Variants in UGT1A8 observed in about 807,000 individuals in gnomAD.
UGT1A8 encodes the protein UDP-glucuronosyltransferase 1A8.
UGT1A8 carries 39 observed loss-of-function variants against 45.3 expected under a neutral mutation model. That is an observed-to-expected ratio of 0.86 (90% CI 0.67 to 1.12). The LOEUF is 1.12. Among genes scored for constraint, UGT1A8 ranks in the 50% most tolerant of loss-of-function variants. The pLI is 0.00. For synonymous variants in UGT1A8, 275 were observed against 249.2 expected, an observed-to-expected ratio of 1.10 and a Z score of -0.97; for missense variants, 719 against 664.9, an observed-to-expected ratio of 1.08 and a Z score of -0.90.
At chr2:233,727,764 G>A (rs117456176) in intron 1 of UGT1A8, among the ~76,000 whole-genome samples, 2 of 152,186 alleles carry the variant, frequency 1.3e-5, no homozygotes, top group South Asian at 4.1e-4. Context: ...CTTGAGCTGG[G>A]TGTCCCCCAG....
chr2:233,645,492 GTAAAA>G (rs1284165480), intron 1 of UGT1A8, among the ~76,000 whole-genome samples: 1 of 152,228 alleles, frequency 6.6e-6, no homozygotes, highest in Non-Finnish European at 1.5e-5. Context: ...CTATGGGCCT[GTAAAA>G]TCAAAAGCAA....
At chr2:233,629,292 T>C (rs753075625) in intron 1 of UGT1A8, among the ~76,000 whole-genome samples, 1 of 152,160 alleles carries the variant, frequency 6.6e-6, no homozygotes, top group African/African-American at 2.4e-5. Context: ...TATGTCAGAA[T>C]TTTCTTCCTT....
chr2:233,627,674 T>TTCCA (rs2073112884), intron 1 of UGT1A8, among the ~76,000 whole-genome samples: 1 of 150,476 alleles, frequency 6.6e-6, no homozygotes. Flanking sequence ...CCTTCCTTCC[T>TTCCA]TCCTTCTTTC....
intron 1 of UGT1A8, among the ~76,000 whole-genome samples, chr2:233,703,815 T>A (rs2075754424): frequency 1.3e-5 from 2 of 150,786 alleles, no homozygotes; most frequent in African/African-American, 4.9e-5. Context: ...ATCTCTGTCT[T>A]TTAATTGAGT....
intron 1 of UGT1A8, chr2:233,692,869 G>T: frequency 2.0e-6 from 3 of 1,484,506 alleles, no homozygotes; most frequent in Non-Finnish European, 2.7e-6. Context: ...ACATATCAAA[G>T]GGTAAAATTC....
Position 233,682,404 on chromosome 2 carries a change from T to C in UGT1A8, c.855+63842T>C, listed in dbSNP as rs140683946. On this transcript the variant is annotated intron_variant, in intron 1 of 4. Transcript: ENST00000373450. ...GATCCTTTTGATGCCTGTGGCTTAA[T>C]TGTTGCCAAATATTTCTCCCTCCCC... 2.6e-5 allele frequency: 42 copies of C among 1,613,888 alleles called. No individual in the cohort carries two copies. In the African/African-American group the frequency reaches 3.9e-4, roughly 15 times the overall value.
intron 1 of UGT1A8, among the ~76,000 whole-genome samples, chr2:233,741,100 C>A (rs1335319606): frequency 1.3e-5 from 2 of 151,794 alleles, no homozygotes; most frequent in Non-Finnish European, 2.9e-5. Context: ...AGCAAACAGA[C>A]AATCAAGCTT....
At chr2:233,710,843 G>T (rs1338950468) in intron 1 of UGT1A8, among the ~76,000 whole-genome samples, 1 of 152,164 alleles carries the variant, frequency 6.6e-6, no homozygotes, top group Admixed American at 6.5e-5. Flanking sequence ...AAAGGTGGGA[G>T]GATTTGTTTC....
At chr2:233,618,804 G>T (rs567038279) in intron 1 of UGT1A8, among the ~76,000 whole-genome samples, 1 of 152,066 alleles carries the variant, frequency 6.6e-6, no homozygotes, top group South Asian at 2.1e-4. Context: ...ACATTTTTGA[G>T]TACCATGTTT....
Position 233,617,762 on chromosome 2 carries a change from A to G in UGT1A8, c.55A>G (p.Thr19Ala), listed in dbSNP as rs1464586863. The part of the protein sequence containing the change: ...PIPLCVSLLL[T>A]CGFAEAGKLL... ...TCCCCTATGTGTTTCTCTGCTGCTG[A>G]CCTGTGGCTTTGCTGAGGCAGGGAA... is the stretch of plus-strand genomic sequence containing the variant. The change falls in exon 1 of 5, where the codon ACC (threonine) becomes GCC (alanine). Residue 19 changes from threonine to alanine, a missense_variant. Coordinates refer to ENST00000373450, the MANE Select transcript of UGT1A8 (RefSeq NM_019076.5). 1.2e-6 allele frequency: 2 copies of G among 1,614,076 alleles called. No individual in the cohort carries two copies. Among genetic ancestry groups the G allele is most frequent in the Admixed American group, 1.7e-5 (1 of 60,004 alleles).
At chr2:233,747,977 G>A (rs1693826207) in intron 1 of UGT1A8, 1 of 1,613,358 alleles carries the variant, frequency 6.2e-7, no homozygotes, top group Non-Finnish European at 8.5e-7. Context: ...CATCTGTGTG[G>A]CTGTTCCGAG....
At chr2:233,630,699 CA>C (rs1453416032) in intron 1 of UGT1A8, among the ~76,000 whole-genome samples, 1 of 151,964 alleles carries the variant, frequency 6.6e-6, no homozygotes, top group East Asian at 1.9e-4. Context: ...AAGAGAGAGA[CA>C]GGGGAGATGG....
chr2:233,662,256 C>T (rs1177149013), intron 1 of UGT1A8, among the ~76,000 whole-genome samples: 2 of 152,112 alleles, frequency 1.3e-5, no homozygotes, highest in East Asian at 1.9e-4. Context: ...ATAAAATAGA[C>T]TCGTTGCTAT....
In UGT1A8 at chr2:233,769,405, G is replaced by A. The variant is rs932646645; in HGVS notation, c.1295+966G>A. On this transcript the variant is annotated intron_variant, in intron 4 of 4. Coordinates refer to ENST00000373450, the MANE Select transcript of UGT1A8 (RefSeq NM_019076.5). This position sits in a 1 kb window ranked among gnomAD's most constrained non-coding sequence, Gnocchi z 4.4. ...CAATAGATACTGTGTGCATATGTGC[G>A]TGTGCGTTTGTGCATGTGGCTGTGC... 111 of 1,239,692 alleles carry A rather than the reference G, an allele frequency of 9.0e-5. No homozygotes were observed. The South Asian group carries it at 1.2e-3, about 14-fold the overall frequency. The allele number at this position is 1,239,692 out of a possible 1,614,324, so 76.8% of individuals were successfully genotyped here.
chr2:233,732,474 A>C (rs866244589), intron 1 of UGT1A8, among the ~76,000 whole-genome samples: 34 of 152,356 alleles, frequency 2.2e-4, no homozygotes, highest in African/African-American at 6.3e-4. Flanking sequence ...TCCATCTGGA[A>C]TTAATTTTTG....
At chr2:233,756,874 G>C (rs1221596581) in intron 1 of UGT1A8, among the ~76,000 whole-genome samples, 1 of 152,098 alleles carries the variant, frequency 6.6e-6, no homozygotes, top group Non-Finnish European at 1.5e-5. Context: ...GGTATTAGGT[G>C]TAATGAGGAT....
chr2:233,637,487 C>A, intron 1 of UGT1A8: 5 of 1,495,792 alleles, frequency 3.3e-6, no homozygotes, highest in Non-Finnish European at 3.5e-6. Context: ...TTTCAAATTT[C>A]TTTCCAGTTT....
At chr2:233,631,037 C>G (rs541273033) in intron 1 of UGT1A8, among the ~76,000 whole-genome samples, 49 of 152,086 alleles carry the variant, frequency 3.2e-4, no homozygotes, top group African/African-American at 1.2e-3. Context: ...TCCCTGTGTC[C>G]ATGTGTTCTC....
chr2:233,770,903 T>C (rs35203651), intron 4 of UGT1A8: 14,100 of 152,250 alleles, frequency 0.093, 767 homozygotes, highest in South Asian at 0.16. Flanking sequence ...CTGCAGGCTG[T>C]ACAGGAAGCT....
Sources: allele counts gnomAD v4.1 joint callset (sites outside exome capture counted in the v4.1 genomes callset), GRCh38; gene constraint gnomAD v4.1.1; non-coding constraint Gnocchi (gnomAD v3.1); transcripts MANE v1.5; gene names NCBI Gene and HGNC (gene_info 2026-07-23, HGNC 2026-07-21).